RAB7A: variants seen among roughly 807,000 people sequenced by gnomAD.
The protein encoded by RAB7A is ras-related protein Rab-7a.
Under a neutral mutation model 24.5 loss-of-function variants are expected in RAB7A, and 2 were observed. That is an observed-to-expected ratio of 0.08 (90% confidence interval 0.03 to 0.26). RAB7A has a LOEUF of 0.26. Ranked by LOEUF, RAB7A falls within the 10% of genes least tolerant of loss-of-function variation. The pLI is 1.00. For missense variants in RAB7A, 118 were observed against 255.7 expected (o/e 0.46, Z 3.67); for synonymous variants, 100 against 95.9 (o/e 1.04, Z -0.25).
At chr3:128,762,486 ACTTCC>A (rs1225097378) in intron 1 of RAB7A, among the ~76,000 whole-genome samples, 1 of 152,042 alleles carries the variant, frequency 6.6e-6, no homozygotes, top group Non-Finnish European at 1.5e-5. Context: ...TCACCCCCCT[ACTTCC>A]CACCGTGACC....
chr3:128,730,096 T>G (rs1373787809), intron 1 of RAB7A, among the ~76,000 whole-genome samples: 1 of 152,254 alleles, frequency 6.6e-6, no homozygotes, highest in Non-Finnish European at 1.5e-5. Context: ...TCTCTATGCT[T>G]CTCTGTCTGC....
At chr3:128,762,304 A>T (rs1559785827) in intron 1 of RAB7A, among the ~76,000 whole-genome samples, 1 of 152,170 alleles carries the variant, frequency 6.6e-6, no homozygotes, top group African/African-American at 2.4e-5. Context: ...AAAAGTGGAA[A>T]TTTTAAGGGT....
chr3:128,744,181 G>A (rs1022562818), intron 1 of RAB7A, among the ~76,000 whole-genome samples: 1 of 151,990 alleles, frequency 6.6e-6, no homozygotes, highest in Non-Finnish European at 1.5e-5. Context: ...TGAGCCCTGC[G>A]GTTGGAGGCT....
chr3:128,800,765 A>G (rs886204353), intron 3 of RAB7A, among the ~76,000 whole-genome samples: 3 of 152,170 alleles, frequency 2.0e-5, no homozygotes, highest in African/African-American at 7.2e-5. Context: ...CTCCTGAATG[A>G]AAGAGTACAT....
chr3:128,790,454 C>A (rs1933432348), intron 1 of RAB7A, among the ~76,000 whole-genome samples: 1 of 152,154 alleles, frequency 6.6e-6, no homozygotes, highest in Non-Finnish European at 1.5e-5. Flanking sequence ...TATAAGGAAA[C>A]AAAAACATCT....
chr3:128,778,461 T>TAGGAATGTGTGGTCTAGACTA (rs1397317558), intron 1 of RAB7A, among the ~76,000 whole-genome samples: 15 of 152,196 alleles, frequency 9.9e-5, no homozygotes, highest in Admixed American at 2.0e-4. Flanking sequence ...TCACCTCTGT[T>TAGGAATGTGTGGTCTAGACTA]AGGAATGTGT....
intron 1 of RAB7A, among the ~76,000 whole-genome samples, chr3:128,758,507 C>T (rs903088636): frequency 6.6e-6 from 1 of 151,916 alleles, no homozygotes; most frequent in East Asian, 1.9e-4. Flanking sequence ...GGTCTCCTGA[C>T]CTCGTGATCC....
chr3:128,759,696 C>T (rs2070761603), intron 1 of RAB7A, among the ~76,000 whole-genome samples: 1 of 152,094 alleles, frequency 6.6e-6, no homozygotes, highest in Non-Finnish European at 1.5e-5. Flanking sequence ...TTCATATCTG[C>T]CCGTGTATGA....
Position 128,813,970 on chromosome 3 carries a change from AT to A in RAB7A, c.*549del, listed in dbSNP as rs1432245478. ...GAGTTTTGTATGTATCTATCTGTTAATGCTTGTTACTTTTAACTAATCAGAT... is the reference window on the plus strand; with the variant it reads ...GAGTTTTGTATGTATCTATCTGTTAAGCTTGTTACTTTTAACTAATCAGAT... On this transcript the variant is annotated 3_prime_UTR_variant, in exon 6 of 6. Transcript: ENST00000265062. 6.0e-6 allele frequency: 1 copy of A among 166,168 alleles called. No homozygotes were observed. Among genetic ancestry groups the A allele is most frequent in the Non-Finnish European group, 1.3e-5 (1 of 74,716 alleles). The allele number at this position is 166,168 out of a possible 1,614,324, so 10.3% of individuals were successfully genotyped here.
intron 1 of RAB7A, among the ~76,000 whole-genome samples, chr3:128,775,914 A>T (rs1036042688): frequency 6.6e-6 from 1 of 152,104 alleles, no homozygotes; most frequent in Non-Finnish European, 1.5e-5. Flanking sequence ...TGAATGTTTA[A>T]AATCTAGTCT....
intron 1 of RAB7A, among the ~76,000 whole-genome samples, chr3:128,773,311 TCCGCCCGGCAG>T (rs894600229): frequency 6.7e-6 from 1 of 149,432 alleles, no homozygotes; most frequent in African/African-American, 2.5e-5. Context: ...GAGGAGCCCC[TCCGCCCGGCAG>T]CCGCCCCATC....
chr3:128,797,908 T>C, intron 2 of RAB7A, 35 bp from the exon 3 acceptor site: 2 of 1,609,508 alleles, frequency 1.2e-6, no homozygotes, highest in Non-Finnish European at 1.7e-6. Context: ...GACCCTCCTA[T>C]TTGACTTATA....
chr3:128,788,497 T>A (rs966094033), intron 1 of RAB7A, among the ~76,000 whole-genome samples: 3 of 152,292 alleles, frequency 2.0e-5, no homozygotes, highest in Middle Eastern at 3.4e-3. Context: ...AACATGAACA[T>A]CATCAATGTG....
intron 5 of RAB7A, among the ~76,000 whole-genome samples, 160 bp downstream of exon 5, chr3:128,807,831 T>G (rs1933837994): frequency 6.6e-6 from 1 of 152,208 alleles, no homozygotes; most frequent in Non-Finnish European, 1.5e-5. Flanking sequence ...CATGTTCTGC[T>G]TAAGCTTCCA....
In RAB7A at chr3:128,791,245, G is replaced by A. The variant is rs557471827; in HGVS notation, c.-8-4115G>A. Among the ~76,000 whole-genome samples the A allele has an allele frequency of 1.2e-4, 18 of 152,130 alleles. No homozygotes were observed. In the East Asian group the frequency reaches 2.1e-3, roughly 18 times the overall value. On this transcript the variant is annotated intron_variant, in intron 1 of 5. Transcript: ENST00000265062. ...AAACCTCCGCCTCCTGAGTTCAAGC[G>A]ATTCTCCTGCTTCAGCCTTTTTGGT...
At chr3:128,760,944 A>G (rs2070771847) in intron 1 of RAB7A, among the ~76,000 whole-genome samples, 1 of 152,134 alleles carries the variant, frequency 6.6e-6, no homozygotes, top group African/African-American at 2.4e-5. Context: ...CCTCCCTACA[A>G]CCCTAAGAGG....
chr3:128,774,560 C>G (rs1187135650), intron 1 of RAB7A, among the ~76,000 whole-genome samples: 2 of 151,200 alleles, frequency 1.3e-5, no homozygotes, highest in African/African-American at 4.9e-5. Flanking sequence ...CTCCTGGGTT[C>G]AAGTGATTCT....
At chr3:128,754,815 T>C (rs1485840956) in intron 1 of RAB7A, among the ~76,000 whole-genome samples, 2 of 152,148 alleles carry the variant, frequency 1.3e-5, no homozygotes, top group Admixed American at 1.3e-4. Context: ...CAGGACATTA[T>C]ATATTAATAA....
At chr3:128,759,685 T>G (rs2070761555) in intron 1 of RAB7A, among the ~76,000 whole-genome samples, 3 of 152,132 alleles carry the variant, frequency 2.0e-5, no homozygotes, top group African/African-American at 4.8e-5. Context: ...TCTGTTAGGT[T>G]TTCATATCTG....
Sources: allele counts gnomAD v4.1 joint callset (sites outside exome capture counted in the v4.1 genomes callset), GRCh38; gene constraint gnomAD v4.1.1; transcripts MANE v1.5; gene names NCBI Gene and HGNC (gene_info 2026-07-23, HGNC 2026-07-21).